PNPLA1: variants seen among roughly 807,000 people sequenced by gnomAD.
PNPLA1 encodes the protein omega-hydroxyceramide transacylase.
PNPLA1 carries 36 observed loss-of-function variants against 51.7 expected under a neutral mutation model. The ratio of observed to expected loss-of-function variants is 0.70; its 90% CI spans 0.53 to 0.92. PNPLA1 has a LOEUF of 0.92. PNPLA1 is among the 40% of genes least tolerant of loss of function. The probability of loss-of-function intolerance (pLI) is 0.00; values close to 1 mark genes in which losing one functional copy is unlikely to be tolerated. For synonymous variants in PNPLA1, 293 were observed against 280.1 expected, an observed-to-expected ratio of 1.05 and a Z score of -0.46; for missense variants, 658 against 682.5, an observed-to-expected ratio of 0.96 and a Z score of 0.40.
intron 1 of PNPLA1, among the ~76,000 whole-genome samples, chr6:36,277,925 C>G (rs986282512): frequency 3.3e-5 from 5 of 152,234 alleles, no homozygotes; most frequent in Non-Finnish European, 2.9e-5. Flanking sequence ...GGGCTCAGCT[C>G]TGGCCCACCA....
chr6:36,297,093 G>A (rs576273670), intron 5 of PNPLA1, among the ~76,000 whole-genome samples: 1 of 152,254 alleles, frequency 6.6e-6, no homozygotes, highest in East Asian at 1.9e-4. Flanking sequence ...AAATCTGATG[G>A]TGGCACTTCA....
At chr6:36,269,281 CT>C (rs139021262), upstream of PNPLA1, among the ~76,000 whole-genome samples, 467 of 152,282 alleles carry the variant, frequency 3.1e-3, no homozygotes, top group African/African-American at 0.011. Flanking sequence ...ATCTTGCCTT[CT>C]TTGTTATATC....
chr6:36,262,838 A>ATGTGCATTAT (rs1554134443), intron 1 of PNPLA1, among the ~76,000 whole-genome samples: 146 of 152,358 alleles, frequency 9.6e-4, no homozygotes, highest in Non-Finnish European at 1.2e-3. Flanking sequence ...CTATACCATC[A>ATGTGCATTAT]TTCATTTAAC....
chr6:36,260,502 CA>C (rs1769624150), intron 1 of PNPLA1, among the ~76,000 whole-genome samples: 1 of 152,142 alleles, frequency 6.6e-6, no homozygotes, highest in Non-Finnish European at 1.5e-5. Flanking sequence ...CATGGTTCAA[CA>C]TTCAGAAGGT....
chr6:36,254,134 GCAT>G (rs1394597796), intron 1 of PNPLA1, among the ~76,000 whole-genome samples: 1 of 152,152 alleles, frequency 6.6e-6, no homozygotes, highest in Non-Finnish European at 1.5e-5. Context: ...AGTAAAGAAT[GCAT>G]CATCAATTGT....
At chr6:36,261,924 C>T (rs1316088438) in intron 1 of PNPLA1, among the ~76,000 whole-genome samples, 1 of 152,236 alleles carries the variant, frequency 6.6e-6, no homozygotes, top group African/African-American at 2.4e-5. Flanking sequence ...TGATCCCTTT[C>T]TCTTCTTTTA....
chr6:36,300,178 T>TGTGTGTGTGTGTGAGAGAGAGAGA, intron 5 of PNPLA1, among the ~76,000 whole-genome samples: 104 of 98,104 alleles, frequency 1.1e-3, no homozygotes, highest in African/African-American at 3.3e-3. Context: ...TGTGTGTGTG[T>TGTGTGTGTGTGTGAGAGAGAGAGA]GAGAGAGAGA....
Position 36,244,536 on chromosome 6 carries a change from C to T in PNPLA1, c.-81+1275C>T, listed in dbSNP as rs528329307. Among the ~76,000 whole-genome samples the T allele has an allele frequency of 5.9e-5, 9 of 152,194 alleles. No homozygotes were observed. In the South Asian group the frequency reaches 8.3e-4, roughly 14 times the overall value. ...ATTTGGTGGATGTAGAGGGGGCTCC[C>T]GACCTTATGCAGTTACAACCCATTC... On this transcript the variant is annotated intron_variant, in intron 1 of 7. Coordinates refer to the PNPLA1 transcript ENST00000312917.
At chr6:36,267,806 C>A (rs1035232416), upstream of PNPLA1, among the ~76,000 whole-genome samples, 3 of 152,100 alleles carry the variant, frequency 2.0e-5, no homozygotes, top group Admixed American at 1.3e-4. Flanking sequence ...GGATAGTGCC[C>A]ATGTCTTGCT....
chr6:36,306,089 G>C (rs889170098), intron 6 of PNPLA1, among the ~76,000 whole-genome samples: 2 of 152,144 alleles, frequency 1.3e-5, no homozygotes, highest in African/African-American at 4.8e-5. Flanking sequence ...CCAAGGGTCC[G>C]AGTCAGCCGC....
chr6:36,303,328 T>C (rs1771132221), intron 6 of PNPLA1, among the ~76,000 whole-genome samples: 1 of 152,148 alleles, frequency 6.6e-6, no homozygotes, highest in Non-Finnish European at 1.5e-5. Flanking sequence ...CTCCTGACTT[T>C]GTGATCTGCC....
At chr6:36,244,211 G>GAT (rs1393350514) in intron 1 of PNPLA1, among the ~76,000 whole-genome samples, 3 of 151,932 alleles carry the variant, frequency 2.0e-5, no homozygotes, top group Non-Finnish European at 4.4e-5. Context: ...GGTACAAAAG[G>GAT]ATATACAGTG....
Position 36,293,133 on chromosome 6 carries a change from G to C in PNPLA1, c.504+7G>C, listed in dbSNP as rs369322242. ...CCCGACTTACCGCGGTGTGGTGAGT[G>C]CTTCGGCATGGTGAGGGGTGAGATG... On this transcript the variant is annotated splice_region_variant and intron_variant, in intron 3 of 8. Transcript: ENST00000636260. 9 of 1,613,404 alleles carry C rather than the reference G, an allele frequency of 5.6e-6. No individual in the cohort carries two copies. Among genetic ancestry groups the C allele is most frequent in the Non-Finnish European group, 7.6e-6 (9 of 1,179,476 alleles).
intron 1 of PNPLA1, among the ~76,000 whole-genome samples, chr6:36,283,482 T>G (rs1333170139): frequency 6.6e-6 from 1 of 152,098 alleles, no homozygotes; most frequent in African/African-American, 2.4e-5. Flanking sequence ...AACTCTGTCC[T>G]TACGAAATCA....
In PNPLA1 at chr6:36,294,407, G is replaced by A; in HGVS notation, c.714+8G>A. 6.2e-7 allele frequency: 1 copy of A among 1,612,628 alleles called. No homozygotes were observed. Among genetic ancestry groups the A allele is most frequent in the South Asian group, 1.1e-5 (1 of 91,014 alleles). On this transcript the variant is annotated splice_region_variant and intron_variant, in intron 4 of 8. Coordinates refer to ENST00000636260, the MANE Select transcript of PNPLA1 (RefSeq NM_001374623.1). The surrounding 1 kb of genome is among the most constrained non-coding windows in gnomAD (Gnocchi z 4.2). The stretch of plus-strand genomic sequence containing the variant: ...TTCCCCCCGGACCTGGTGGTGAGAG[G>A]CAGGAGGGGTCTGGGGAGTAGCAGA...
chr6:36,292,992 G>A, intron 2 of PNPLA1, 69 bp from the exon 3 acceptor site: 1 of 1,398,054 alleles, frequency 7.2e-7, no homozygotes, highest in Non-Finnish European at 9.9e-7. Context: ...TGGCCCAGGG[G>A]CTGACAGGTG....
At chr6:36,286,345 C>A (rs1371391425) in intron 1 of PNPLA1, among the ~76,000 whole-genome samples, 2 of 152,130 alleles carry the variant, frequency 1.3e-5, no homozygotes, top group African/African-American at 4.8e-5. Flanking sequence ...CAGCTGGGCA[C>A]AGTGGCTCAT....
intron 1 of PNPLA1, chr6:36,243,269 T>C (rs1051978393): frequency 3.9e-5 from 6 of 152,214 alleles, no homozygotes; most frequent in African/African-American, 1.4e-4. Context: ...AAGGTAGGCA[T>C]CGTTTAGGCA....
At chr6:36,272,885 T>TA (rs1332427829) in intron 1 of PNPLA1, among the ~76,000 whole-genome samples, 2 of 152,198 alleles carry the variant, frequency 1.3e-5, no homozygotes, top group African/African-American at 4.8e-5. Flanking sequence ...TTTTTTCTTT[T>TA]TAATGTCTCA....
Sources: allele counts gnomAD v4.1 joint callset (sites outside exome capture counted in the v4.1 genomes callset), GRCh38; gene constraint gnomAD v4.1.1; non-coding constraint Gnocchi (gnomAD v3.1); transcripts MANE v1.5; gene names NCBI Gene and HGNC (gene_info 2026-07-23, HGNC 2026-07-21).